Variants in TTBK2 observed in about 807,000 individuals in gnomAD.
TTBK2 encodes tau tubulin kinase 2, also known as tau-tubulin kinase 2.
TTBK2 carries 28 observed loss-of-function variants against 110.8 expected under a neutral mutation model. The observed-to-expected ratio is 0.25, with a 90% CI of 0.19 to 0.35. The LOEUF (loss-of-function observed/expected upper bound fraction) is 0.35, where lower values mean the gene tolerates loss of function less well. TTBK2 is among the 10% of genes least tolerant of loss of function. The pLI, the probability that TTBK2 is intolerant of heterozygous loss-of-function variation, is 1.00. For synonymous variants in TTBK2, 532 were observed against 527.3 expected (o/e 1.01, Z -0.12); for missense variants, 1,369 against 1,500.3 (o/e 0.91, Z 1.45).
intron 1 of TTBK2, among the ~76,000 whole-genome samples, chr15:42,882,575 T>C (rs887749789): frequency 4.0e-5 from 6 of 151,778 alleles, no homozygotes; most frequent in African/African-American, 1.2e-4. Flanking sequence ...GATTGCGCCA[T>C]TGCACTCCAG....
chr15:42,794,730 C>T lies in TTBK2; in HGVS notation c.894G>A (p.Glu298=), dbSNP rs61750838. ...TTAGGGAGCCATCATTTCCAGTCTT[C>T]TCCCAGTCAAAAGGGTCACTCTCAA... ...GVIESDPFDW[E]KTGNDGSLTT... is the part of the protein sequence containing the mutation. Residue 298 remains glutamate (E), a synonymous_variant, in exon 10 of 15, where the codon GAG becomes GAA. Transcript: ENST00000267890. 6.2e-6 allele frequency: 10 copies of T among 1,614,040 alleles called. No homozygotes were observed. Among genetic ancestry groups the T allele is most frequent in the Admixed American group, 1.7e-5 (1 of 60,000 alleles).
chr15:42,860,207 A>G (rs1894099292), intron 3 of TTBK2, among the ~76,000 whole-genome samples: 3 of 152,248 alleles, frequency 2.0e-5, no homozygotes, highest in Middle Eastern at 3.4e-3. Flanking sequence ...CCCCAAGTTA[A>G]TATCAAACAC....
chr15:42,784,605 C>T (rs1890329161), intron 10 of TTBK2, among the ~76,000 whole-genome samples: 2 of 152,246 alleles, frequency 1.3e-5, no homozygotes, highest in Non-Finnish European at 2.9e-5. Context: ...AAATTCTAAA[C>T]AGGAAAATGT....
chr15:42,885,460 A>T (rs918504870), intron 1 of TTBK2, among the ~76,000 whole-genome samples: 4 of 152,170 alleles, frequency 2.6e-5, no homozygotes, highest in Non-Finnish European at 5.9e-5. Flanking sequence ...GAGACAAAGG[A>T]GACACATTTT....
intron 4 of TTBK2, among the ~76,000 whole-genome samples, chr15:42,833,590 C>T (rs945401557): frequency 5.3e-5 from 8 of 152,054 alleles, no homozygotes; most frequent in African/African-American, 1.9e-4. Flanking sequence ...TAAAAATTGT[C>T]GGCCAGGTGT....
intron 1 of TTBK2, among the ~76,000 whole-genome samples, chr15:42,912,907 T>C (rs1168665925): frequency 2.0e-5 from 3 of 147,560 alleles, no homozygotes; most frequent in East Asian, 2.1e-4. Context: ...AGGTGGATCA[T>C]GAGGTCAGGA....
At chr15:42,765,544 G>A (rs545146058) in intron 13 of TTBK2, among the ~76,000 whole-genome samples, 92 of 152,320 alleles carry the variant, frequency 6.0e-4, no homozygotes, top group African/African-American at 2.1e-3. Context: ...TTAATGAAAT[G>A]AAGCGAGAAG....
At chr15:42,908,397 G>A (rs977901073) in intron 1 of TTBK2, 1 of 152,174 alleles carries the variant, frequency 6.6e-6, no homozygotes, top group African/African-American at 2.4e-5. Context: ...CTTGAGCCTA[G>A]GAGTTCAAAG....
intron 6 of TTBK2, among the ~76,000 whole-genome samples, chr15:42,825,591 T>G: frequency 6.6e-6 from 1 of 152,110 alleles, no homozygotes; most frequent in Non-Finnish European, 1.5e-5. Flanking sequence ...GGCGGGCGCC[T>G]GTAGTCCCAG....
intron 5 of TTBK2, among the ~76,000 whole-genome samples, chr15:42,828,646 C>A (rs980649982): frequency 6.6e-6 from 1 of 151,282 alleles, no homozygotes; most frequent in African/African-American, 2.4e-5. Context: ...TTGCTTGAAT[C>A]CAGGAGGCGG....
chr15:42,893,382 G>C (rs1024541166), intron 1 of TTBK2, among the ~76,000 whole-genome samples: 3 of 152,048 alleles, frequency 2.0e-5, no homozygotes, highest in Non-Finnish European at 2.9e-5. Flanking sequence ...TGTAGTCCTA[G>C]CTACTCAAGA....
At chr15:42,876,128 G>T (rs1042395189) in intron 2 of TTBK2, among the ~76,000 whole-genome samples, 1 of 151,980 alleles carries the variant, frequency 6.6e-6, no homozygotes, top group African/African-American at 2.4e-5. Flanking sequence ...AATCACCCAG[G>T]CAAACTCTTC....
intron 13 of TTBK2, among the ~76,000 whole-genome samples, chr15:42,768,948 A>C (rs1311976349): frequency 6.6e-6 from 1 of 152,202 alleles, no homozygotes; most frequent in African/African-American, 2.4e-5. Flanking sequence ...GGCCTCAGAA[A>C]TAACACCACA....
chr15:42,761,664 T>C (rs1595884822), intron 13 of TTBK2, among the ~76,000 whole-genome samples: 1 of 149,226 alleles, frequency 6.7e-6, no homozygotes, highest in East Asian at 1.9e-4. Context: ...AAAGAAGATA[T>C]AGAAATGGCC....
chr15:42,775,257 G>A lies in TTBK2; in HGVS notation c.1876C>T (p.Pro626Ser), dbSNP rs866705172. The change falls in exon 13 of 15, where the codon CCT becomes TCT. Residue 626 changes from proline (P) to serine (S), a missense_variant. Coordinates refer to ENST00000267890, the MANE Select transcript of TTBK2 (RefSeq NM_173500.4). ...VVLALSAEGP[P>S]TAASEQYTDR... Reference sequence around the variant, plus strand: ...GTATATTGTTCTGAAGCAGCAGTAGGAGGACCCTCTGCAGAAAGTGCTAAG... The same window carrying A: ...GTATATTGTTCTGAAGCAGCAGTAGAAGGACCCTCTGCAGAAAGTGCTAAG... 6.2e-7 allele frequency: 1 copy of A among 1,614,210 alleles called. No individual in the cohort carries two copies. The highest frequency in any genetic ancestry group is 8.5e-7 in the Non-Finnish European group (1 of 1,180,034).
chr15:42,775,044 A>G, intron 13 of TTBK2, 91 bp downstream of exon 13: 1 of 1,389,908 alleles, frequency 7.2e-7, no homozygotes, highest in Non-Finnish European at 1.0e-6. Flanking sequence ...TTAGGCCTGT[A>G]CTGAAGTATC....
At chr15:42,831,500 G>A (rs969221666) in intron 4 of TTBK2, among the ~76,000 whole-genome samples, 6 of 152,112 alleles carry the variant, frequency 3.9e-5, no homozygotes, top group East Asian at 1.9e-4. Flanking sequence ...TACATCCAGC[G>A]TCTGCCATTC....
intron 9 of TTBK2, chr15:42,800,970 G>C (rs755917092): frequency 8.6e-5 from 65 of 753,066 alleles, no homozygotes; most frequent in Non-Finnish European, 8.8e-5. Context: ...GCTTCACTTG[G>C]GCAGGACGTT....
At chr15:42,841,553 T>C (rs1245708902) in intron 3 of TTBK2, among the ~76,000 whole-genome samples, 2 of 152,096 alleles carry the variant, frequency 1.3e-5, no homozygotes, top group Non-Finnish European at 2.9e-5. Flanking sequence ...AGGGCATGGA[T>C]AGAGATTTGA....
Sources: allele counts gnomAD v4.1 joint callset (sites outside exome capture counted in the v4.1 genomes callset), GRCh38; gene constraint gnomAD v4.1.1; transcripts MANE v1.5; gene names NCBI Gene and HGNC (gene_info 2026-07-23, HGNC 2026-07-21).